The following DNER variants were observed in gnomAD, a reference collection of about 807,000 sequenced individuals.
DNER encodes the protein delta/notch like EGF repeat containing.
In DNER, 33 loss-of-function variants were observed where a neutral mutation model predicts 78.2. The ratio of observed to expected loss-of-function variants is 0.42; its 90% CI spans 0.32 to 0.56. The LOEUF (loss-of-function observed/expected upper bound fraction) is 0.56. Among genes scored for constraint, DNER ranks in the 20% least tolerant of loss-of-function variants. The pLI, the probability that DNER is intolerant of heterozygous loss-of-function variation, is 0.11. For missense variants in DNER, 918 were observed against 975.3 expected, an observed-to-expected ratio of 0.94 and a Z score of 0.78; for synonymous variants, 417 against 384.8, an observed-to-expected ratio of 1.08 and a Z score of -0.98.
Position 229,714,537 on chromosome 2 carries a change from C to G in DNER, c.-114G>C. ...TGGCGGCTAGGGCTGCTCCGCCGGGCCGGGCGCCTCCTGCAGCTGCGGGAT... is the reference window on the plus strand; with the variant it reads ...TGGCGGCTAGGGCTGCTCCGCCGGGGCGGGCGCCTCCTGCAGCTGCGGGAT... On this transcript the variant is annotated 5_prime_UTR_variant, in exon 1 of 13. Transcript: ENST00000341772. 9.7e-7 allele frequency: 1 copy of G among 1,033,320 alleles called. No individual in the cohort carries two copies. Among genetic ancestry groups the G allele is most frequent in the South Asian group, 4.4e-5 (1 of 22,520 alleles). The allele number at this position is 1,033,320 out of a possible 1,614,324, so 64.0% of individuals were successfully genotyped here.
intron 1 of DNER, among the ~76,000 whole-genome samples, chr2:229,610,451 C>A (rs938711271): frequency 6.6e-6 from 1 of 152,218 alleles, no homozygotes. Context: ...GGGGAGCCTG[C>A]AGCTGACGTT....
At chr2:229,680,158 C>T (rs763145942) in intron 1 of DNER, among the ~76,000 whole-genome samples, 10 of 152,144 alleles carry the variant, frequency 6.6e-5, no homozygotes, top group Non-Finnish European at 1.2e-4. Flanking sequence ...AAAAGGAAGG[C>T]AATCATCCAC....
intron 5 of DNER, 69 bp from the exon 6 acceptor site, chr2:229,513,005 T>C: frequency 6.7e-7 from 1 of 1,503,454 alleles, no homozygotes; most frequent in South Asian, 1.3e-5. Flanking sequence ...GCTGTGAGAC[T>C]CAAAGTTTGA....
intron 1 of DNER, among the ~76,000 whole-genome samples, chr2:229,607,574 T>C (rs1697961745): frequency 6.6e-6 from 1 of 152,202 alleles, no homozygotes; most frequent in African/African-American, 2.4e-5. Context: ...ATTTTCAAGA[T>C]AATTTGAAGA....
At chr2:229,371,297 A>C (rs1328433575) in intron 11 of DNER, among the ~76,000 whole-genome samples, 5 of 152,220 alleles carry the variant, frequency 3.3e-5, no homozygotes, top group African/African-American at 4.8e-5. Context: ...TGCTATCCTC[A>C]TAAGTCATTG....
chr2:229,626,201 G>A (rs943297286), intron 1 of DNER, among the ~76,000 whole-genome samples: 1 of 152,196 alleles, frequency 6.6e-6, no homozygotes, highest in African/African-American at 2.4e-5. Flanking sequence ...TTACAGGCGT[G>A]AGCCACCGTG....
At chr2:229,631,220 C>A (rs1392429074) in intron 1 of DNER, among the ~76,000 whole-genome samples, 2 of 151,968 alleles carry the variant, frequency 1.3e-5, no homozygotes. Flanking sequence ...TATTTTCATA[C>A]CTGCAGGGAA....
At chr2:229,704,195 A>G (rs1054697239) in intron 1 of DNER, among the ~76,000 whole-genome samples, 3 of 152,236 alleles carry the variant, frequency 2.0e-5, no homozygotes, top group Non-Finnish European at 4.4e-5. Context: ...TAAATCACCA[A>G]TGATATACCA....
intron 10 of DNER, among the ~76,000 whole-genome samples, chr2:229,400,197 G>A (rs1693237771): frequency 6.6e-6 from 1 of 152,036 alleles, no homozygotes; most frequent in African/African-American, 2.4e-5. Flanking sequence ...AACCATTCAT[G>A]CTGTAACAAA....
At chr2:229,667,632 A>G (rs1005146284) in intron 1 of DNER, among the ~76,000 whole-genome samples, 1 of 152,152 alleles carries the variant, frequency 6.6e-6, no homozygotes, top group African/African-American at 2.4e-5. Flanking sequence ...CAAATAAATG[A>G]CAGCCATTTG....
At chr2:229,703,826 G>A (rs1475958173) in intron 1 of DNER, among the ~76,000 whole-genome samples, 3 of 151,662 alleles carry the variant, frequency 2.0e-5, no homozygotes, top group Admixed American at 2.0e-4. Context: ...GCAAGGAGCC[G>A]AGATCACAAG....
At chr2:229,582,236 C>A (rs902143773) in intron 4 of DNER, among the ~76,000 whole-genome samples, 1 of 152,166 alleles carries the variant, frequency 6.6e-6, no homozygotes, top group East Asian at 1.9e-4. Context: ...ACAAAAAGAG[C>A]GTTAAGCACA....
chr2:229,629,375 T>A (rs983939071), intron 1 of DNER, among the ~76,000 whole-genome samples: 1 of 152,158 alleles, frequency 6.6e-6, no homozygotes, highest in Non-Finnish European at 1.5e-5. Context: ...CTTATATAGG[T>A]CTCTTTACAT....
chr2:229,412,375 G>A (rs1170418910), intron 9 of DNER, among the ~76,000 whole-genome samples: 3 of 152,210 alleles, frequency 2.0e-5, no homozygotes, highest in African/African-American at 7.2e-5. Context: ...CTCAAGTAAA[G>A]GTAGCCATTG....
In DNER at chr2:229,387,560, AAAG is replaced by A. The variant is rs1313623615; in HGVS notation, c.1855+702_1855+704del. Among the ~76,000 whole-genome samples, 267 of 146,522 alleles carry A rather than the reference AAAG, an allele frequency of 1.8e-3. 4 individuals carry two copies. Among genetic ancestry groups the A allele is most frequent in the African/African-American group, 5.3e-3 (211 of 39,968 alleles). ...GAAAGAAAGAAAGAAAGAAAGAAAG[AAAG>A]AAAGAAAAGAAAGAAGGAAGGAAGG... On this transcript the variant is annotated intron_variant, in intron 11 of 12. Coordinates refer to ENST00000341772, the MANE Select transcript of DNER (RefSeq NM_139072.4).
intron 1 of DNER, among the ~76,000 whole-genome samples, chr2:229,599,514 C>A (rs1247553011): frequency 6.6e-6 from 1 of 152,190 alleles, no homozygotes; most frequent in African/African-American, 2.4e-5. Context: ...CACTAAATGC[C>A]AGTAGAATCC....
chr2:229,472,080 T>C (rs1424381319), intron 7 of DNER, among the ~76,000 whole-genome samples: 1 of 152,172 alleles, frequency 6.6e-6, no homozygotes, highest in Non-Finnish European at 1.5e-5. Context: ...AAGATGTGAG[T>C]CCTCTCCCTG....
chr2:229,581,512 C>T (rs1222511886), intron 4 of DNER, among the ~76,000 whole-genome samples: 2 of 152,026 alleles, frequency 1.3e-5, no homozygotes, highest in East Asian at 3.9e-4. Context: ...TAAAGAGAGG[C>T]CAGAAGAGTC....
chr2:229,466,282 C>T (rs549493297), intron 7 of DNER, among the ~76,000 whole-genome samples: 3 of 152,254 alleles, frequency 2.0e-5, no homozygotes, highest in African/African-American at 7.2e-5. Context: ...TTCTGCAGTA[C>T]GGCTCTGCTG....
Sources: gnomAD v4.1 joint callset for allele counts (sites outside exome capture counted in the v4.1 genomes callset) on GRCh38, gnomAD v4.1.1 for gene constraint, MANE v1.5 for transcripts, NCBI Gene and HGNC (gene_info 2026-07-23, HGNC 2026-07-21) for gene names.